Variants in ZSCAN30 observed in about 807,000 individuals in gnomAD.
ZSCAN30 encodes the protein zinc finger and SCAN domain containing 30.
In ZSCAN30, 37 loss-of-function variants were observed where a neutral mutation model predicts 44.3. That is an observed-to-expected ratio of 0.84 (90% CI 0.64 to 1.10). ZSCAN30 has a LOEUF of 1.10. Among genes scored for constraint, ZSCAN30 ranks in the 50% least tolerant of loss-of-function variants. ZSCAN30 has a pLI of 0.00. For missense variants in ZSCAN30, 549 were observed against 582.6 expected, an observed-to-expected ratio of 0.94 and a Z score of 0.59; for synonymous variants, 181 against 204.6, an observed-to-expected ratio of 0.88 and a Z score of 0.98.
chr18:35,289,901 T>G (rs988410560), intron 1 of ZSCAN30, 183 bp downstream of exon 1: 3 of 152,218 alleles, frequency 2.0e-5, no homozygotes. Context: ...GAAGTCAGTA[T>G]TTTAACAAGG....
At chr18:35,280,391 A>G (rs1316081984) in intron 1 of ZSCAN30, among the ~76,000 whole-genome samples, 1 of 152,068 alleles carries the variant, frequency 6.6e-6, no homozygotes, top group East Asian at 1.9e-4. Flanking sequence ...CTGAAAAAAA[A>G]GAAAGAAAAC....
chr18:35,256,778 G>A (rs920378802), intron 3 of ZSCAN30, among the ~76,000 whole-genome samples: 4 of 141,976 alleles, frequency 2.8e-5, no homozygotes, highest in Non-Finnish European at 4.5e-5. Flanking sequence ...TGTTGTTGTT[G>A]TTTGTTTGTT....
At position 35,279,799 on chromosome 18, in the gene ZSCAN30, C is replaced by A. The variant is rs571694101; in HGVS notation, c.-104+10285G>T. Reference sequence around the variant, plus strand: ...CCTCCCATAGGCCCATGTCCAAATACTATCACATGAGGAGTTACAATTTAA... The same window carrying A: ...CCTCCCATAGGCCCATGTCCAAATAATATCACATGAGGAGTTACAATTTAA... On this transcript the variant is annotated intron_variant, in intron 1 of 3. Transcript: ENST00000333206. 3.9e-5 allele frequency among the ~76,000 whole-genome samples: 6 copies of A among 152,320 alleles called. No homozygotes were observed. The South Asian group carries it at 1.2e-3, about 32-fold the overall frequency.
At chr18:35,273,263 C>T (rs906513834) in intron 1 of ZSCAN30, among the ~76,000 whole-genome samples, 1 of 152,212 alleles carries the variant, frequency 6.6e-6, no homozygotes, top group African/African-American at 2.4e-5. Flanking sequence ...TTTGACTACC[C>T]TTAAGTACCT....
chr18:35,271,760 C>T (rs1012132785), intron 1 of ZSCAN30, among the ~76,000 whole-genome samples: 13 of 152,202 alleles, frequency 8.5e-5, no homozygotes, highest in Admixed American at 2.6e-4. Context: ...GGAGGGGGGG[C>T]GCTTGGGCAT....
chr18:35,281,236 T>TA (rs2044450271), intron 1 of ZSCAN30: 1 of 152,234 alleles, frequency 6.6e-6, no homozygotes, highest in South Asian at 2.1e-4. Flanking sequence ...CCCATGCCTG[T>TA]ATTATCACTG....
In ZSCAN30 at chr18:35,277,584, G is replaced by A. The variant is rs1055966980; in HGVS notation, c.-104+12500C>T. On this transcript the variant is annotated intron_variant, in intron 1 of 3. Coordinates refer to ENST00000333206, the MANE Select transcript of ZSCAN30 (RefSeq NM_001112734.4). Reference sequence around the variant, plus strand: ...CTTCTTCTTACCACCATGTGAAGAAGGATATGTTTGCTTCCCCTTCTGCCA... The same window carrying A: ...CTTCTTCTTACCACCATGTGAAGAAAGATATGTTTGCTTCCCCTTCTGCCA... 4.6e-5 allele frequency among the ~76,000 whole-genome samples: 7 copies of A among 152,256 alleles called. No homozygotes were observed. In the East Asian group the frequency reaches 1.3e-3, roughly 29 times the overall value.
chr18:35,288,498 G>A (rs964178013), intron 1 of ZSCAN30, among the ~76,000 whole-genome samples: 5 of 152,196 alleles, frequency 3.3e-5, no homozygotes, highest in Non-Finnish European at 5.9e-5. Context: ...ATAAAGACGT[G>A]TGTACATGAA....
At chr18:35,267,802 T>C (rs913854272) in intron 1 of ZSCAN30, 1 of 152,058 alleles carries the variant, frequency 6.6e-6, no homozygotes, top group Non-Finnish European at 1.5e-5. Context: ...CGCGGGCTGG[T>C]ATACCATCGA....
At chr18:35,271,684 C>T (rs1308393139) in intron 1 of ZSCAN30, among the ~76,000 whole-genome samples, 12 of 152,232 alleles carry the variant, frequency 7.9e-5, no homozygotes, top group Admixed American at 4.6e-4. Context: ...TCGATCGGAC[C>T]GGGCACCACG....
rs113222814 is a variant in ZSCAN30, at chr18:35,255,982, G to A, written c.554-1601C>T. On this transcript the variant is annotated intron_variant, in intron 3 of 3. Transcript: ENST00000333206. The stretch of plus-strand genomic sequence containing the variant: ...AGTAATAAATAGGTCAAATTATTAA[G>A]AGCATCAATTATAGGGTATAAAGTG... Among the ~76,000 whole-genome samples the A allele has an allele frequency of 2.6e-3, 390 of 152,308 alleles. 1 individual carries two copies. The highest frequency in any genetic ancestry group is 8.3e-3 in the African/African-American group (343 of 41,572).
At chr18:35,263,250 A>G (rs1323367406) in intron 3 of ZSCAN30, 3 of 430,342 alleles carry the variant, frequency 7.0e-6, no homozygotes, top group South Asian at 7.1e-5. Context: ...TCTAAAAAAA[A>G]AAAAAAGAAA....
At chr18:35,270,087 T>TCTATC (rs1007821516) in intron 1 of ZSCAN30, 17 of 152,346 alleles carry the variant, frequency 1.1e-4, no homozygotes, top group African/African-American at 4.1e-4. Flanking sequence ...TAAACACTTC[T>TCTATC]CTATCATTTA....
At chr18:35,263,398 C>T (rs763059763) in intron 3 of ZSCAN30, 115 bp downstream of exon 3, 40 of 1,299,860 alleles carry the variant, frequency 3.1e-5, no homozygotes, top group Non-Finnish European at 4.1e-5. Context: ...GGCAAAGAAG[C>T]CTTTCCACAA....
At chr18:35,254,935 T>A (rs781095089) in intron 3 of ZSCAN30, 228 of 156,548 alleles carry the variant, frequency 1.5e-3, no homozygotes, top group Middle Eastern at 3.2e-3. Context: ...ATTAAATAAT[T>A]ATAAGCAAAT....
intron 3 of ZSCAN30, chr18:35,262,242 G>A (rs1292296335): frequency 2.6e-5 from 4 of 152,182 alleles, no homozygotes; most frequent in Non-Finnish European, 5.9e-5. Context: ...AAGCTTCATA[G>A]GAAGTTAATA....
chr18:35,273,451 G>T (rs1412792869), intron 1 of ZSCAN30, among the ~76,000 whole-genome samples: 1 of 152,188 alleles, frequency 6.6e-6, no homozygotes, highest in Non-Finnish European at 1.5e-5. Flanking sequence ...TCTGTTAACG[G>T]ACACTTGGGT....
chr18:35,254,720 A>T (rs1748221353), intron 3 of ZSCAN30: 1 of 357,108 alleles, frequency 2.8e-6, no homozygotes, highest in Non-Finnish European at 5.3e-6. Context: ...TTTTTAGGTA[A>T]TGAGATAATC....
intron 1 of ZSCAN30, chr18:35,289,609 AT>A (rs1328796209): frequency 6.6e-6 from 1 of 152,126 alleles, no homozygotes. Context: ...TCCTACCCTG[AT>A]TACCCCGCAC....
Sources: gnomAD v4.1 joint callset for allele counts (sites outside exome capture counted in the v4.1 genomes callset) on GRCh38, gnomAD v4.1.1 for gene constraint, MANE v1.5 for transcripts, NCBI Gene and HGNC (gene_info 2026-07-23, HGNC 2026-07-21) for gene names.